STXBP5L: variants seen among roughly 807,000 people sequenced by gnomAD.
The protein encoded by STXBP5L is syntaxin binding protein 5L, also known as syntaxin-binding protein 5-like.
Under a neutral mutation model 144.5 loss-of-function variants are expected in STXBP5L, and 65 were observed. The observed-to-expected ratio is 0.45, with a 90% CI of 0.37 to 0.55. STXBP5L has a LOEUF of 0.55. Among genes scored for constraint, STXBP5L ranks in the 20% least tolerant of loss-of-function variants. STXBP5L has a pLI of 0.00. For synonymous variants in STXBP5L, 505 were observed against 469.6 expected, an observed-to-expected ratio of 1.08 and a Z score of -0.97; for missense variants, 1,298 against 1,405.5, an observed-to-expected ratio of 0.92 and a Z score of 1.22.
At chr3:121,085,000 C>T (rs974583297) in intron 5 of STXBP5L, among the ~76,000 whole-genome samples, 2 of 149,500 alleles carry the variant, frequency 1.3e-5, no homozygotes, top group African/African-American at 5.0e-5. Flanking sequence ...GTTTGTCAAC[C>T]GCATGTATGT....
rs189434582 is a variant in STXBP5L, at chr3:121,054,704, C to G, written c.470+9169C>G. Among the ~76,000 whole-genome samples the G allele has an allele frequency of 3.3e-5, 5 of 152,010 alleles. No homozygotes were observed. The East Asian group carries it at 9.7e-4, about 29-fold the overall frequency. On this transcript the variant is annotated intron_variant, in intron 5 of 26. Coordinates refer to ENST00000471454, the MANE Select transcript of STXBP5L (RefSeq NM_001308330.2). Reference sequence around the variant, plus strand: ...TGTATACATATGTAACAAACCTGCACATTGTGCACATGTACCGTAAAACTT... The same window carrying G: ...TGTATACATATGTAACAAACCTGCAGATTGTGCACATGTACCGTAAAACTT...
chr3:121,053,325 T>C (rs1005984009), intron 5 of STXBP5L, among the ~76,000 whole-genome samples: 1 of 152,120 alleles, frequency 6.6e-6, no homozygotes, highest in African/African-American at 2.4e-5. Flanking sequence ...GGCATCACAC[T>C]CCCTGATTTC....
At chr3:121,122,316 T>C (rs1163075176) in intron 7 of STXBP5L, among the ~76,000 whole-genome samples, 1 of 151,102 alleles carries the variant, frequency 6.6e-6, no homozygotes, top group Non-Finnish European at 1.5e-5. Flanking sequence ...AAATCAAACC[T>C]GAAAGGCAAG....
intron 22 of STXBP5L, among the ~76,000 whole-genome samples, chr3:121,389,879 T>C (rs1192921982): frequency 6.6e-6 from 1 of 152,166 alleles, no homozygotes; most frequent in Non-Finnish European, 1.5e-5. Flanking sequence ...TGGGATGGAA[T>C]GTTCTGTAGA....
At chr3:121,158,581 G>T (rs984767578) in intron 9 of STXBP5L, 1 of 152,116 alleles carries the variant, frequency 6.6e-6, no homozygotes, top group African/African-American at 2.4e-5. Context: ...TTTACTTAGA[G>T]ATTACTTTAC....
intron 9 of STXBP5L, among the ~76,000 whole-genome samples, chr3:121,173,166 A>G (rs1310809839): frequency 2.0e-5 from 3 of 151,516 alleles, no homozygotes; most frequent in South Asian, 2.1e-4. Flanking sequence ...ACATCACACA[A>G]TGGGGCCTGT....
chr3:121,062,852 C>T (rs566642630), intron 5 of STXBP5L, among the ~76,000 whole-genome samples: 1 of 152,162 alleles, frequency 6.6e-6, no homozygotes, highest in East Asian at 1.9e-4. Context: ...TTTTTCAGCT[C>T]CATCAGGTCA....
chr3:121,126,948 T>G (rs1282630712), intron 7 of STXBP5L, among the ~76,000 whole-genome samples: 3 of 152,188 alleles, frequency 2.0e-5, no homozygotes, highest in African/African-American at 7.2e-5. Flanking sequence ...TTGTGCCTCT[T>G]TCTCACCACA....
chr3:121,003,676 A>T (rs528210252), intron 3 of STXBP5L, among the ~76,000 whole-genome samples: 87 of 152,256 alleles, frequency 5.7e-4, no homozygotes, highest in African/African-American at 2.0e-3. Context: ...TAGGGTTTTT[A>T]TGGTTTCAGG....
At chr3:121,187,063 G>T (rs1298528459) in intron 9 of STXBP5L, among the ~76,000 whole-genome samples, 1 of 152,016 alleles carries the variant, frequency 6.6e-6, no homozygotes, top group African/African-American at 2.4e-5. Flanking sequence ...CCCATTACTG[G>T]GTATATACCC....
At chr3:121,333,972 G>T (rs572321843) in intron 20 of STXBP5L, among the ~76,000 whole-genome samples, 2 of 152,056 alleles carry the variant, frequency 1.3e-5, no homozygotes, top group South Asian at 4.2e-4. Flanking sequence ...GGAGGGACCT[G>T]GTGGGAGATA....
At position 121,254,972 on chromosome 3, in the gene STXBP5L, T is replaced by A. The variant is rs1457281783; in HGVS notation, c.1519T>A (p.Cys507Ser). ...KQKVGEGKQT[C>S]EIVEEDPFAI... ...GAAGGTAGGAGAAGGAAAACAAACA[T>A]GTGAAATTGTAGAGGAAGACCCATT... The change falls in exon 16 of 27, where the codon TGT (cysteine) becomes AGT (serine). Residue 507 changes from cysteine to serine, a missense_variant. By Grantham distance (112) the Cys-to-Ser change is moderately radical (BLOSUM62 -1). Coordinates refer to ENST00000471454, the MANE Select transcript of STXBP5L (RefSeq NM_001308330.2). 2.5e-6 allele frequency: 4 copies of A among 1,613,454 alleles called. No individual in the cohort carries two copies. In the East Asian group the frequency reaches 8.9e-5, roughly 36 times the overall value.
At chr3:121,191,208 T>C (rs1455339828) in intron 9 of STXBP5L, among the ~76,000 whole-genome samples, 3 of 152,044 alleles carry the variant, frequency 2.0e-5, no homozygotes, top group Non-Finnish European at 4.4e-5. Flanking sequence ...GTGGAGGTTG[T>C]AGCGAGCCGA....
At position 121,075,158 on chromosome 3, in the gene STXBP5L, G is replaced by A. The variant is rs543285812; in HGVS notation, c.470+29623G>A. 3.9e-5 allele frequency among the ~76,000 whole-genome samples: 6 copies of A among 152,228 alleles called. No individual in the cohort carries two copies. The East Asian group carries it at 1.2e-3, about 29-fold the overall frequency. On this transcript the variant is annotated intron_variant, in intron 5 of 26. Coordinates refer to ENST00000471454, the MANE Select transcript of STXBP5L (RefSeq NM_001308330.2). ...TATCTGACTTCTGAACCCCTTGACT[G>A]GTGGCAGGGGGTTCTGGCCAGCCGT...
At chr3:120,989,352 C>T (rs574397964) in intron 3 of STXBP5L, among the ~76,000 whole-genome samples, 1 of 152,164 alleles carries the variant, frequency 6.6e-6, no homozygotes, top group African/African-American at 2.4e-5. Flanking sequence ...TGGTATCTCG[C>T]TGTGGTTTAA....
At position 121,233,642 on chromosome 3, in the gene STXBP5L, G is replaced by A. The variant is rs575168306; in HGVS notation, c.1138G>A (p.Val380Ile). ...NEFQEPYAVV[V>I]LLEKDLIVVD... ...ATTTCAAGAACCCTATGCTGTCGTG[G>A]TACTTCTGGAGAAAGATCTCATTGT... The change falls in exon 12 of 27, where the codon GTA becomes ATA. Residue 380 changes from valine (V) to isoleucine (I), a missense_variant. By Grantham distance (29) the Val-to-Ile change is conservative. Coordinates refer to ENST00000471454, the MANE Select transcript of STXBP5L (RefSeq NM_001308330.2). 2.6e-5 allele frequency: 42 copies of A among 1,612,542 alleles called. No individual in the cohort carries two copies. In the South Asian group the frequency reaches 4.3e-4, roughly 16 times the overall value.
chr3:121,401,565 T>TA (rs893145826), intron 22 of STXBP5L, among the ~76,000 whole-genome samples: 4 of 141,900 alleles, frequency 2.8e-5, no homozygotes, highest in Admixed American at 7.3e-5. Context: ...TATACAGCCA[T>TA]AAAAAATGAT....
At chr3:121,343,770 C>A (rs1019835153) in intron 20 of STXBP5L, among the ~76,000 whole-genome samples, 4 of 152,246 alleles carry the variant, frequency 2.6e-5, no homozygotes, top group African/African-American at 4.8e-5. Flanking sequence ...AATGGAAGAA[C>A]ATTCCATGCT....
intron 3 of STXBP5L, among the ~76,000 whole-genome samples, chr3:120,981,738 A>G (rs1941795083): frequency 6.6e-6 from 1 of 152,210 alleles, no homozygotes; most frequent in East Asian, 1.9e-4. Flanking sequence ...CAGGTGGTAC[A>G]ACACTTTGTT....
Sources: gnomAD v4.1 joint callset for allele counts (sites outside exome capture counted in the v4.1 genomes callset) on GRCh38, gnomAD v4.1.1 for gene constraint, MANE v1.5 for transcripts, NCBI Gene and HGNC (gene_info 2026-07-23, HGNC 2026-07-21) for gene names.